Variants in CALB2 observed in about 807,000 individuals in gnomAD.
CALB2 encodes calretinin.
CALB2 carries 34 observed loss-of-function variants against 45.9 expected under a neutral mutation model. That is an observed-to-expected ratio of 0.74 (90% confidence interval 0.56 to 0.99). The LOEUF (loss-of-function observed/expected upper bound fraction) is 0.99. Ranked by LOEUF, CALB2 falls within the 50% of genes least tolerant of loss-of-function variation. The pLI is 0.00. For missense variants in CALB2, 344 were observed against 339.3 expected (o/e 1.01, Z -0.11); for synonymous variants, 142 against 129.6 (o/e 1.10, Z -0.65).
chr16:71,365,287 G>A (rs868325198), intron 1 of CALB2, among the ~76,000 whole-genome samples: 24 of 152,304 alleles, frequency 1.6e-4, no homozygotes, highest in African/African-American at 5.5e-4. Flanking sequence ...GGAGGAAGGT[G>A]CGAACCTTCC....
chr16:71,372,720 A>G (rs1171346740), intron 2 of CALB2, among the ~76,000 whole-genome samples: 1 of 152,144 alleles, frequency 6.6e-6, no homozygotes, highest in Non-Finnish European at 1.5e-5. Flanking sequence ...CCCGGGATCT[A>G]CCCATGAGAT....
intron 7 of CALB2, 147 bp from the exon 8 acceptor site, chr16:71,384,192 C>A: frequency 9.9e-7 from 1 of 1,008,958 alleles, no homozygotes; most frequent in South Asian, 1.3e-5. Flanking sequence ...GTCTGTCTCC[C>A]TCGTTTTTGA....
At chr16:71,388,350 AAG>A (rs1469154672) in intron 10 of CALB2, among the ~76,000 whole-genome samples, 3 of 148,114 alleles carry the variant, frequency 2.0e-5, no homozygotes, top group Non-Finnish European at 4.5e-5. Context: ...AAAAAAAAAA[AAG>A]AAAAAGAAAA....
At chr16:71,385,525 C>A in intron 9 of CALB2, 52 bp from the exon 10 acceptor site, 1 of 1,551,986 alleles carries the variant, frequency 6.4e-7, no homozygotes, top group Non-Finnish European at 8.9e-7. Context: ...TGGGTCGGGA[C>A]AGCAGGGGCC....
chr16:71,372,361 A>T, intron 2 of CALB2, 132 bp downstream of exon 2: 1 of 627,656 alleles, frequency 1.6e-6, no homozygotes, highest in South Asian at 2.1e-5. Context: ...ATTTGTAAGG[A>T]TAAAAAATAG....
chr16:71,384,524 A>G (rs772661978), intron 8 of CALB2, 146 bp downstream of exon 8: 22,926 of 692,124 alleles, frequency 0.033, 518 homozygotes, highest in Non-Finnish European at 0.045. Flanking sequence ...CACACAACAC[A>G]CACAGATCAC....
chr16:71,368,190 G>C (rs2042308939), intron 1 of CALB2, among the ~76,000 whole-genome samples: 1 of 152,286 alleles, frequency 6.6e-6, no homozygotes, highest in African/African-American at 2.4e-5. Context: ...GCTGGCCTTT[G>C]CACCTCCAGT....
chr16:71,360,773 C>T (rs1402628650), intron 1 of CALB2, among the ~76,000 whole-genome samples: 1 of 152,212 alleles, frequency 6.6e-6, no homozygotes. Context: ...GGCTGCTGGG[C>T]AGACCATGAC....
chr16:71,383,169 G>A (rs1406117853), intron 5 of CALB2, among the ~76,000 whole-genome samples, 198 bp from the exon 6 acceptor site: 1 of 152,132 alleles, frequency 6.6e-6, no homozygotes, highest in African/African-American at 2.4e-5. Context: ...TGTGAGGCAG[G>A]GTTGCACCAC....
chr16:71,390,086 C>A lies in CALB2; in HGVS notation c.*221C>A. The A allele has an allele frequency of 1.8e-6, 1 of 552,068 alleles. No individual in the cohort carries two copies. Among genetic ancestry groups the A allele is most frequent in the Non-Finnish European group, 3.2e-6 (1 of 307,810 alleles). The allele number at this position is 552,068 out of a possible 1,614,324, so 34.2% of individuals were successfully genotyped here. On this transcript the variant is annotated 3_prime_UTR_variant, in exon 11 of 11. Transcript: ENST00000302628. ...CCCAGGCAGTCTTTGCTCAGTGGAT[C>A]ACACACATGGAAGGTGATGGGGGCA...
chr16:71,366,847 T>A (rs2144957516), intron 1 of CALB2, among the ~76,000 whole-genome samples: 1 of 152,296 alleles, frequency 6.6e-6, no homozygotes, highest in Non-Finnish European at 1.5e-5. Flanking sequence ...AGAGAGGGCA[T>A]AAATAGTTAT....
chr16:71,385,100 T>C (rs1049082209), intron 9 of CALB2, among the ~76,000 whole-genome samples: 2 of 152,160 alleles, frequency 1.3e-5, no homozygotes, highest in Non-Finnish European at 2.9e-5. Flanking sequence ...GACCACGCTG[T>C]CGGGAGCCAA....
chr16:71,382,895 C>T (rs1469110654), intron 5 of CALB2, 120 bp downstream of exon 5: 1 of 837,494 alleles, frequency 1.2e-6, no homozygotes, highest in African/African-American at 1.7e-5. Flanking sequence ...ATACTCAGAC[C>T]TGGCACTGAA....
intron 3 of CALB2, among the ~76,000 whole-genome samples, chr16:71,376,911 A>G (rs2042423236): frequency 6.6e-6 from 1 of 152,178 alleles, no homozygotes; most frequent in Non-Finnish European, 1.5e-5. Flanking sequence ...AGTGCAAGGA[A>G]ATGTTCCCAG....
intron 1 of CALB2, among the ~76,000 whole-genome samples, chr16:71,364,597 C>T (rs899331841): frequency 2.0e-5 from 3 of 152,188 alleles, no homozygotes; most frequent in Admixed American, 2.0e-4. Context: ...TCCCCTCTCA[C>T]CCAATCTGCC....
chr16:71,362,849 G>C (rs1294428351), intron 1 of CALB2, among the ~76,000 whole-genome samples: 4 of 152,192 alleles, frequency 2.6e-5, no homozygotes, highest in Non-Finnish European at 4.4e-5. Context: ...TTTTACAAGA[G>C]CATCTATTTC....
chr16:71,386,018 C>T (rs1025930356), intron 10 of CALB2, among the ~76,000 whole-genome samples: 3 of 152,172 alleles, frequency 2.0e-5, no homozygotes, highest in African/African-American at 7.2e-5. Flanking sequence ...TCCCCTGTCC[C>T]CCATCTCCTG....
intron 1 of CALB2, among the ~76,000 whole-genome samples, chr16:71,367,135 T>G (rs2042296191): frequency 2.0e-5 from 3 of 151,908 alleles, no homozygotes; most frequent in Admixed American, 2.0e-4. Flanking sequence ...TCACTTTAAA[T>G]TGGGGGAAAC....
intron 10 of CALB2, among the ~76,000 whole-genome samples, chr16:71,388,387 G>A (rs1157531013): frequency 6.6e-6 from 1 of 150,990 alleles, no homozygotes; most frequent in Non-Finnish European, 1.5e-5. Context: ...GAAAAAAGAG[G>A]GATAGAGTGG....
Sources: allele counts gnomAD v4.1 joint callset (sites outside exome capture counted in the v4.1 genomes callset), GRCh38; gene constraint gnomAD v4.1.1; transcripts MANE v1.5; gene names NCBI Gene and HGNC (gene_info 2026-07-23, HGNC 2026-07-21).